The following NLGN1 variants were observed in gnomAD, a reference collection of about 807,000 sequenced individuals.
NLGN1 encodes the protein neuroligin 1, also known as neuroligin-1.
In NLGN1, 12 loss-of-function variants were observed where a neutral mutation model predicts 65.5. The ratio of observed to expected loss-of-function variants is 0.18; its 90% CI spans 0.12 to 0.30. The LOEUF is 0.30. NLGN1 is among the 10% of genes least tolerant of loss of function. The pLI is 1.00. For missense variants in NLGN1, 750 were observed against 1,007.1 expected, an observed-to-expected ratio of 0.74 and a Z score of 3.46; for synonymous variants, 350 against 359.5, an observed-to-expected ratio of 0.97 and a Z score of 0.30.
intron 4 of NLGN1, among the ~76,000 whole-genome samples, chr3:173,872,509 T>G (rs751967741): frequency 4.6e-5 from 7 of 152,188 alleles, no homozygotes; most frequent in Non-Finnish European, 7.3e-5. Flanking sequence ...AACAGAAAAT[T>G]TATTCTTCTG....
At chr3:173,761,825 C>T (rs1778009745) in intron 3 of NLGN1, among the ~76,000 whole-genome samples, 1 of 152,004 alleles carries the variant, frequency 6.6e-6, no homozygotes, top group Non-Finnish European at 1.5e-5. Flanking sequence ...ATAATGCAGA[C>T]TTTTTACCAG....
chr3:174,064,607 G>T (rs1738107856), intron 4 of NLGN1, among the ~76,000 whole-genome samples: 1 of 149,412 alleles, frequency 6.7e-6, no homozygotes, highest in Non-Finnish European at 1.5e-5. Context: ...TATTAATAAG[G>T]ATATATGAGA....
Position 174,024,141 on chromosome 3 carries a change from T to TA in NLGN1, c.646+216334dup, listed in dbSNP as rs34508881. Among the ~76,000 whole-genome samples, 530 of 85,860 alleles carry TA rather than the reference T, an allele frequency of 6.2e-3. 4 individuals are homozygous for TA. The highest frequency in any genetic ancestry group is 0.014 in the Middle Eastern group (2 of 140). 56.3% of individuals were successfully genotyped at this position (85,860 alleles called of 152,430 possible). Reference sequence around the variant, plus strand: ...TTCCCTGGTGTTCCTAGAGTCCTATTAAAAAAAAAAAAAAAAAAAAAAAAA... The same window carrying TA: ...TTCCCTGGTGTTCCTAGAGTCCTATTAAAAAAAAAAAAAAAAAAAAAAAAAA... On this transcript the variant is annotated intron_variant, in intron 4 of 6. Transcript: ENST00000457714.
chr3:174,227,092 C>T (rs75800481), intron 4 of NLGN1, among the ~76,000 whole-genome samples: 6,846 of 152,206 alleles, frequency 0.045, 490 homozygotes, highest in African/African-American at 0.15. Context: ...GGACCAATTG[C>T]ATAAGCTTTG....
intron 2 of NLGN1, among the ~76,000 whole-genome samples, chr3:173,499,116 T>G (rs1451425499): frequency 6.6e-6 from 1 of 151,624 alleles, no homozygotes; most frequent in African/African-American, 2.4e-5. Context: ...GTTTTAGACA[T>G]GAAGTCCTTG....
chr3:173,975,168 T>A (rs548379095), intron 4 of NLGN1, among the ~76,000 whole-genome samples: 1 of 152,164 alleles, frequency 6.6e-6, no homozygotes, highest in African/African-American at 2.4e-5. Context: ...GGTAAAGTAA[T>A]TGTCTCTTCT....
At chr3:173,610,554 A>G (rs1167093138) in intron 3 of NLGN1, among the ~76,000 whole-genome samples, 1 of 152,048 alleles carries the variant, frequency 6.6e-6, no homozygotes, top group African/African-American at 2.4e-5. Context: ...AAACAAGACA[A>G]CAAGGTTTAA....
At chr3:173,676,571 C>T (rs1327360694) in intron 3 of NLGN1, among the ~76,000 whole-genome samples, 2 of 151,536 alleles carry the variant, frequency 1.3e-5, no homozygotes, top group Admixed American at 6.6e-5. Context: ...ATGTATATAC[C>T]TTTGATGTAC....
chr3:173,671,778 A>G (rs1045033750), intron 3 of NLGN1, among the ~76,000 whole-genome samples: 3 of 152,204 alleles, frequency 2.0e-5, no homozygotes, highest in African/African-American at 7.2e-5. Context: ...TGGTACTACA[A>G]TTTAGGCTTT....
intron 2 of NLGN1, among the ~76,000 whole-genome samples, chr3:173,438,615 A>G (rs892285797): frequency 1.3e-5 from 2 of 152,136 alleles, no homozygotes; most frequent in African/African-American, 4.8e-5. Flanking sequence ...TTTCACTTTT[A>G]TTTTCAAAGT....
At chr3:174,101,401 A>G (rs1250636090) in intron 4 of NLGN1, among the ~76,000 whole-genome samples, 1 of 152,176 alleles carries the variant, frequency 6.6e-6, no homozygotes, top group African/African-American at 2.4e-5. Flanking sequence ...AGTAGCTTTC[A>G]GGTCTCTAGT....
At chr3:173,821,796 T>C (rs532885334) in intron 4 of NLGN1, among the ~76,000 whole-genome samples, 1 of 152,304 alleles carries the variant, frequency 6.6e-6, no homozygotes, top group East Asian at 1.9e-4. Flanking sequence ...GATATTTTAC[T>C]ATAATTCATA....
intron 3 of NLGN1, among the ~76,000 whole-genome samples, chr3:173,713,820 A>G (rs935773698): frequency 5.9e-5 from 9 of 152,146 alleles, no homozygotes; most frequent in African/African-American, 2.2e-4. Context: ...TACATTCCTT[A>G]GCTTACTTTC....
chr3:174,218,947 G>A (rs1738141189), intron 4 of NLGN1, among the ~76,000 whole-genome samples: 1 of 151,954 alleles, frequency 6.6e-6, no homozygotes. Flanking sequence ...CTCTAGTTCT[G>A]ACAGAACAGT....
chr3:173,403,585 A>T (rs1297386194), intron 1 of NLGN1, among the ~76,000 whole-genome samples: 1 of 152,132 alleles, frequency 6.6e-6, no homozygotes, highest in African/African-American at 2.4e-5. Flanking sequence ...CATCTCTCTC[A>T]TTGAACATTA....
chr3:173,931,120 A>T (rs578220522), intron 4 of NLGN1, among the ~76,000 whole-genome samples: 2 of 152,260 alleles, frequency 1.3e-5, no homozygotes, highest in Admixed American at 6.5e-5. Flanking sequence ...TTTTACATTC[A>T]TTGCTTCTAT....
At chr3:173,792,184 A>G (rs1160605931) in intron 3 of NLGN1, among the ~76,000 whole-genome samples, 1 of 152,116 alleles carries the variant, frequency 6.6e-6, no homozygotes, top group South Asian at 2.1e-4. Context: ...GAGACCAGAA[A>G]CTGTTAAGAA....
intron 3 of NLGN1, among the ~76,000 whole-genome samples, chr3:173,709,803 C>CAAAA (rs59998502): frequency 0.06 from 4,147 of 69,138 alleles, 255 homozygotes; most frequent in African/African-American, 0.14. Context: ...AACTCTATCT[C>CAAAA]AAAAAAAAAA....
chr3:174,039,680 C>A (rs149435586), intron 4 of NLGN1, among the ~76,000 whole-genome samples: 188 of 152,142 alleles, frequency 1.2e-3, no homozygotes, highest in African/African-American at 4.4e-3. Flanking sequence ...AATATATACG[C>A]CTGAAAAGTG....
Sources: gnomAD v4.1 joint callset for allele counts (sites outside exome capture counted in the v4.1 genomes callset) on GRCh38, gnomAD v4.1.1 for gene constraint, MANE v1.5 for transcripts, NCBI Gene and HGNC (gene_info 2026-07-23, HGNC 2026-07-21) for gene names.